The following IGSF21 variants were observed in gnomAD, a reference collection of about 807,000 sequenced individuals.
IGSF21 encodes the protein immunoglobin superfamily member 21, also known as immunoglobulin superfamily member 21.
IGSF21 carries 28 observed loss-of-function variants against 46.8 expected under a neutral mutation model. The ratio of observed to expected loss-of-function variants is 0.60; its 90% CI spans 0.44 to 0.82. The LOEUF is 0.82. Ranked by LOEUF, IGSF21 falls within the 40% of genes least tolerant of loss-of-function variation. The probability of loss-of-function intolerance (pLI) is 0.00; values close to 1 mark genes in which losing one functional copy is unlikely to be tolerated. For synonymous variants in IGSF21, 284 were observed against 273.6 expected (o/e 1.04, Z -0.38); for missense variants, 624 against 665.5 (o/e 0.94, Z 0.69).
chr1:18,362,277 C>G lies in IGSF21; in HGVS notation c.540+47C>G, dbSNP rs777529008. ...AGCTCCTTCCTATCTGCCGGACCAC[C>G]CTGCTTCGGGGCTGGTCCAGCTGCA... On this transcript the variant is annotated intron_variant, in intron 5 of 9. Transcript: ENST00000251296. The G allele has an allele frequency of 2.7e-5, 37 of 1,383,546 alleles. No individual in the cohort carries two copies. The East Asian group carries it at 8.8e-4, about 33-fold the overall frequency. 85.7% of individuals were successfully genotyped at this position (1,383,546 alleles called of 1,614,324 possible).
intron 1 of IGSF21, among the ~76,000 whole-genome samples, chr1:18,145,379 G>A (rs929639009): frequency 6.6e-6 from 1 of 151,916 alleles, no homozygotes; most frequent in African/African-American, 2.4e-5. Flanking sequence ...GCCCACAAAG[G>A]CATTCAAAGT....
chr1:18,159,087 ACCATCACATCGTGCTGT>A (rs2086593565), intron 1 of IGSF21, among the ~76,000 whole-genome samples: 1 of 152,120 alleles, frequency 6.6e-6, no homozygotes, highest in Non-Finnish European at 1.5e-5. Flanking sequence ...CCATCCCCTG[ACCATCACATCGTGCTGT>A]CACTGTACCC....
At chr1:18,226,156 G>A (rs111998346) in intron 1 of IGSF21, among the ~76,000 whole-genome samples, 184 of 152,334 alleles carry the variant, frequency 1.2e-3, no homozygotes, top group African/African-American at 4.2e-3. Context: ...TCCTGAAGGT[G>A]GCCTCCTTGT....
chr1:18,238,597 T>C (rs1339698394), intron 2 of IGSF21, among the ~76,000 whole-genome samples: 2 of 141,948 alleles, frequency 1.4e-5, no homozygotes, highest in Non-Finnish European at 3.1e-5. Context: ...ATGGGGTTGA[T>C]AAGAGCTCTT....
intron 3 of IGSF21, among the ~76,000 whole-genome samples, chr1:18,317,170 C>T (rs1271594327): frequency 6.6e-6 from 1 of 152,194 alleles, no homozygotes; most frequent in Non-Finnish European, 1.5e-5. Flanking sequence ...AAAGCCTTCT[C>T]AGTAAATGGT....
intron 6 of IGSF21, among the ~76,000 whole-genome samples, chr1:18,371,270 G>A (rs967806117): frequency 1.3e-5 from 2 of 152,182 alleles, no homozygotes; most frequent in Admixed American, 1.3e-4. Context: ...CATGGATGGA[G>A]CTCAAAAACA....
rs563163521 is a variant in IGSF21 at position 18,158,848 on chromosome 1, G to A, written c.70+50650G>A. Among the ~76,000 whole-genome samples, 264 of 152,332 alleles carry A rather than the reference G, an allele frequency of 1.7e-3. 5 individuals carry two copies. The highest frequency in any genetic ancestry group is 3.5e-3 in the South Asian group (17 of 4,834). ...TTAGAAGGTTATGCACCCTTTCAGA[G>A]AAGGGTGGGAAGGTCCTGCCCAGGC... On this transcript the variant is annotated intron_variant, in intron 1 of 9. Transcript: ENST00000251296.
At chr1:18,226,965 C>A (rs895343866) in intron 1 of IGSF21, among the ~76,000 whole-genome samples, 2 of 152,204 alleles carry the variant, frequency 1.3e-5, no homozygotes, top group Non-Finnish European at 2.9e-5. Flanking sequence ...GGTTAGAGGC[C>A]TCACCAGACT....
rs56034142 is a variant in IGSF21 at position 18,194,507 on chromosome 1, T to C, written c.71-33391T>C. Among the ~76,000 whole-genome samples the C allele has an allele frequency of 6.3e-3, 961 of 152,290 alleles. 14 individuals carry two copies. The highest frequency in any genetic ancestry group is 0.022 in the African/African-American group (904 of 41,570). On this transcript the variant is annotated intron_variant, in intron 1 of 9. Coordinates refer to ENST00000251296, the MANE Select transcript of IGSF21 (RefSeq NM_032880.5). ...TTCTGCCTCTTCCAGCTTCTGGTGG[T>C]TGCCAGAAATCTTGGTGTTCTTTGG... is the stretch of plus-strand genomic sequence containing the variant.
intron 1 of IGSF21, among the ~76,000 whole-genome samples, chr1:18,120,958 T>C (rs1285517708): frequency 6.6e-6 from 1 of 152,222 alleles, no homozygotes; most frequent in Non-Finnish European, 1.5e-5. Flanking sequence ...GGCTTACCTA[T>C]TCGTCATTCC....
chr1:18,183,043 C>T (rs1336214502), intron 1 of IGSF21, among the ~76,000 whole-genome samples: 4 of 152,194 alleles, frequency 2.6e-5, no homozygotes, highest in Non-Finnish European at 4.4e-5. Context: ...CTGCCCCCTC[C>T]TGGGCCTGGC....
chr1:18,260,348 A>G (rs535474088), intron 2 of IGSF21, among the ~76,000 whole-genome samples: 1 of 152,252 alleles, frequency 6.6e-6, no homozygotes, highest in South Asian at 2.1e-4. Context: ...AGGGTGGGGG[A>G]GCCCCAAAAT....
intron 2 of IGSF21, among the ~76,000 whole-genome samples, chr1:18,291,359 G>GCCTGCTCCCGGGCTC (rs1193409715): frequency 6.6e-6 from 1 of 152,194 alleles, no homozygotes; most frequent in East Asian, 1.9e-4. Context: ...TGGATTCCTG[G>GCCTGCTCCCGGGCTC]CCTCCTCCCG....
intron 1 of IGSF21, among the ~76,000 whole-genome samples, chr1:18,200,533 C>T (rs2087061922): frequency 6.6e-6 from 1 of 152,138 alleles, no homozygotes; most frequent in African/African-American, 2.4e-5. Context: ...TGCCTGCATC[C>T]CTCCGGTCTC....
chr1:18,247,040 C>A (rs1042420201), intron 2 of IGSF21, among the ~76,000 whole-genome samples: 2 of 148,610 alleles, frequency 1.3e-5, no homozygotes, highest in African/African-American at 5.1e-5. Context: ...AGTTGCAGAG[C>A]TGGAATTCTT....
chr1:18,187,276 CTT>C (rs904558653), intron 1 of IGSF21, among the ~76,000 whole-genome samples: 2 of 152,134 alleles, frequency 1.3e-5, no homozygotes, highest in African/African-American at 4.8e-5. Flanking sequence ...ATCTCTCTCT[CTT>C]CCTCTTGTCA....
intron 1 of IGSF21, among the ~76,000 whole-genome samples, chr1:18,197,982 G>T (rs2087026475): frequency 6.6e-6 from 1 of 152,208 alleles, no homozygotes; most frequent in South Asian, 2.1e-4. Flanking sequence ...CATCTGTGTA[G>T]AGGGGATGGG....
chr1:18,121,865 T>C (rs574527951), intron 1 of IGSF21, among the ~76,000 whole-genome samples: 5 of 152,356 alleles, frequency 3.3e-5, no homozygotes, highest in Admixed American at 3.3e-4. Context: ...TGTACCCGAC[T>C]GTCCAAATTG....
chr1:18,304,925 A>G (rs1446199096), intron 3 of IGSF21, among the ~76,000 whole-genome samples: 1 of 152,244 alleles, frequency 6.6e-6, no homozygotes, highest in Non-Finnish European at 1.5e-5. Flanking sequence ...ATTTCTTCAC[A>G]TTAGAATTTG....
Sources: allele counts gnomAD v4.1 joint callset (sites outside exome capture counted in the v4.1 genomes callset), GRCh38; gene constraint gnomAD v4.1.1; transcripts MANE v1.5; gene names NCBI Gene and HGNC (gene_info 2026-07-23, HGNC 2026-07-21).